The following CADM1 variants were observed in gnomAD, a reference collection of about 807,000 sequenced individuals.
CADM1 encodes cell adhesion molecule 1.
In CADM1, 15 loss-of-function variants were observed where a neutral mutation model predicts 53.1. The observed-to-expected ratio is 0.28, with a 90% CI of 0.19 to 0.44. The LOEUF (loss-of-function observed/expected upper bound fraction) is 0.44. Among genes scored for constraint, CADM1 ranks in the 20% least tolerant of loss-of-function variants. CADM1 has a pLI of 1.00. For missense variants in CADM1, 434 were observed against 611.3 expected (o/e 0.71, Z 3.06); for synonymous variants, 281 against 243.0 (o/e 1.16, Z -1.45).
chr11:115,177,907 G>A (rs145151592), intron 11 of CADM1, among the ~76,000 whole-genome samples: 10 of 152,182 alleles, frequency 6.6e-5, no homozygotes, highest in East Asian at 3.9e-4. Context: ...AGAAAACCCC[G>A]CAAGCTCATT....
chr11:115,186,253 C>T (rs1288539731), intron 10 of CADM1, among the ~76,000 whole-genome samples: 1 of 152,196 alleles, frequency 6.6e-6, no homozygotes, highest in East Asian at 1.9e-4. Flanking sequence ...CCAGGGGAAA[C>T]TGATCCCATA....
intron 1 of CADM1, among the ~76,000 whole-genome samples, chr11:115,337,969 T>C (rs1486381981): frequency 2.0e-5 from 3 of 152,138 alleles, no homozygotes; most frequent in African/African-American, 7.2e-5. Context: ...TAACCTAAGC[T>C]CAAAGCTGGT....
chr11:115,459,804 C>T (rs1452289485), intron 1 of CADM1, among the ~76,000 whole-genome samples: 1 of 152,148 alleles, frequency 6.6e-6, no homozygotes, highest in Non-Finnish European at 1.5e-5. Context: ...TTTCTCTTAT[C>T]CTCACACACT....
At chr11:115,336,901 C>A (rs1439142626) in intron 1 of CADM1, among the ~76,000 whole-genome samples, 2 of 152,104 alleles carry the variant, frequency 1.3e-5, no homozygotes, top group Non-Finnish European at 2.9e-5. Context: ...TTATTAGTAA[C>A]CGTTAAGTAA....
chr11:115,404,098 G>T, intron 1 of CADM1, among the ~76,000 whole-genome samples: 1 of 149,180 alleles, frequency 6.7e-6, no homozygotes, highest in African/African-American at 2.5e-5. Context: ...GGCTGAGGCG[G>T]GCAGATCACT....
At chr11:115,292,190 C>T (rs2135112104) in intron 1 of CADM1, among the ~76,000 whole-genome samples, 1 of 152,238 alleles carries the variant, frequency 6.6e-6, no homozygotes, top group Admixed American at 6.5e-5. Context: ...CAAGGGATTC[C>T]AAATACATAC....
intron 1 of CADM1, among the ~76,000 whole-genome samples, chr11:115,367,759 G>T (rs949841330): frequency 6.6e-6 from 1 of 151,148 alleles, no homozygotes; most frequent in Admixed American, 6.6e-5. Context: ...GAAATGCTTA[G>T]AATTTCTTAG....
At chr11:115,443,974 T>TA (rs1360511943) in intron 1 of CADM1, among the ~76,000 whole-genome samples, 1 of 152,244 alleles carries the variant, frequency 6.6e-6, no homozygotes, top group Admixed American at 6.5e-5. Flanking sequence ...TTGTGTGTCC[T>TA]ATATTTCTAA....
At chr11:115,289,066 T>C (rs1342204516) in intron 1 of CADM1, among the ~76,000 whole-genome samples, 1 of 152,110 alleles carries the variant, frequency 6.6e-6, no homozygotes. Context: ...TTTCTGGAGA[T>C]GAAAAATAAG....
chr11:115,284,114 C>CTCTCTCTCTCTCTG lies in CADM1; in HGVS notation c.125-43695_125-43694insCAGAGAGAGAGAGA, dbSNP rs1351842329. On this transcript the variant is annotated intron_variant, in intron 1 of 11. Coordinates refer to ENST00000331581, the MANE Select transcript of CADM1 (RefSeq NM_001301043.2). ...TCTCTCTCTCTCTCTCTCTCTCTCT[C>CTCTCTCTCTCTCTG]TGTGTGTGTGTGTGTGTGTGTGTGT... 1.8e-3 allele frequency among the ~76,000 whole-genome samples: 173 copies of CTCTCTCTCTCTCTG among 98,694 alleles called. 1 individual carries two copies. The highest frequency in any genetic ancestry group is 2.5e-3 in the Non-Finnish European group (116 of 47,320). The allele number at this position is 98,694 out of a possible 152,430, so 64.7% of individuals were successfully genotyped here. A position where few individuals can be genotyped will look rare whatever the true frequency, so the allele number is the denominator to read the frequency against.
intron 8 of CADM1, among the ~76,000 whole-genome samples, chr11:115,206,157 G>A (rs1430809375): frequency 6.6e-6 from 1 of 152,218 alleles, no homozygotes; most frequent in African/African-American, 2.4e-5. Flanking sequence ...TACTGAAAGT[G>A]AAAGGCTGTA....
intron 5 of CADM1, among the ~76,000 whole-genome samples, chr11:115,222,093 GC>G (rs1181448677): frequency 1.3e-5 from 2 of 152,152 alleles, no homozygotes; most frequent in African/African-American, 2.4e-5. Flanking sequence ...GGGATTTGAT[GC>G]TTGTGGATCA....
chr11:115,472,097 C>T (rs1251803645), intron 1 of CADM1, among the ~76,000 whole-genome samples: 1 of 152,132 alleles, frequency 6.6e-6, no homozygotes, highest in Non-Finnish European at 1.5e-5. Context: ...AAAAATGATT[C>T]TGAGGTTCCA....
At chr11:115,394,725 T>C (rs893781865) in intron 1 of CADM1, among the ~76,000 whole-genome samples, 3 of 152,218 alleles carry the variant, frequency 2.0e-5, no homozygotes, top group Non-Finnish European at 4.4e-5. Flanking sequence ...AAAGTTCAAT[T>C]TCCAGTGCTA....
At chr11:115,403,653 G>A (rs1565409316) in intron 1 of CADM1, among the ~76,000 whole-genome samples, 3 of 152,008 alleles carry the variant, frequency 2.0e-5, no homozygotes, top group Non-Finnish European at 4.4e-5. Flanking sequence ...CTGGAGTTCA[G>A]TGGCGCTATC....
intron 1 of CADM1, among the ~76,000 whole-genome samples, chr11:115,274,149 T>C (rs1943380471): frequency 1.3e-5 from 2 of 152,264 alleles, no homozygotes; most frequent in African/African-American, 2.4e-5. Flanking sequence ...TTGATTTCAA[T>C]TGCTTATTCA....
chr11:115,272,803 G>T (rs1234371336), intron 1 of CADM1, among the ~76,000 whole-genome samples: 1 of 151,094 alleles, frequency 6.6e-6, no homozygotes, highest in African/African-American at 2.4e-5. Context: ...AATGCTAGAT[G>T]ACGAGTTAGT....
intron 1 of CADM1, among the ~76,000 whole-genome samples, chr11:115,355,854 C>T (rs959355834): frequency 1.3e-4 from 20 of 152,098 alleles, no homozygotes; most frequent in African/African-American, 4.1e-4. Context: ...TTTTTTGAGA[C>T]GGAGTCTCGC....
In CADM1 at chr11:115,174,372, T is replaced by C. The variant is rs1366514762; in HGVS notation, c.*2102A>G. The C allele has an allele frequency of 2.0e-6, 2 of 985,586 alleles. No individual in the cohort carries two copies. The highest frequency in any genetic ancestry group is 1.7e-5 in the African/African-American group (1 of 57,218). 61.1% of individuals were successfully genotyped at this position (985,586 alleles called of 1,614,324 possible). On this transcript the variant is annotated 3_prime_UTR_variant, in exon 12 of 12. Transcript: ENST00000331581. ...AATGATTCTCACCCTTTGATATGAT[T>C]ATACTATGGTCGGAATGGGTGCTAA...
Sources: allele counts gnomAD v4.1 joint callset (sites outside exome capture counted in the v4.1 genomes callset), GRCh38; gene constraint gnomAD v4.1.1; transcripts MANE v1.5; gene names NCBI Gene and HGNC (gene_info 2026-07-23, HGNC 2026-07-21).